GULP1: variants seen among roughly 807,000 people sequenced by gnomAD.
GULP1 encodes PTB domain-containing engulfment adapter protein 1.
In GULP1, 19 loss-of-function variants were observed where a neutral mutation model predicts 40.9. That is an observed-to-expected ratio of 0.46 (90% CI 0.32 to 0.68). GULP1 has a LOEUF of 0.68. Ranked by LOEUF, GULP1 falls within the 30% of genes least tolerant of loss-of-function variation. The pLI is 0.03. For synonymous variants in GULP1, 119 were observed against 117.6 expected, an observed-to-expected ratio of 1.01 and a Z score of -0.08; for missense variants, 312 against 362.2, an observed-to-expected ratio of 0.86 and a Z score of 1.12.
intron 1 of GULP1, among the ~76,000 whole-genome samples, chr2:188,371,228 A>G (rs2047561813): frequency 6.6e-6 from 1 of 152,094 alleles, no homozygotes; most frequent in Non-Finnish European, 1.5e-5. Context: ...CTTGGCAGGT[A>G]TTAATAGAAA....
chr2:188,463,065 T>G (rs2059838649), intron 2 of GULP1, among the ~76,000 whole-genome samples: 1 of 152,180 alleles, frequency 6.6e-6, no homozygotes, highest in South Asian at 2.1e-4. Flanking sequence ...GTGATTACAG[T>G]GTTGTAATAT....
At chr2:188,569,074 CCTA>C (rs1217022935) in intron 7 of GULP1, among the ~76,000 whole-genome samples, 162 bp from the exon 8 acceptor site, 1 of 152,020 alleles carries the variant, frequency 6.6e-6, no homozygotes, top group Non-Finnish European at 1.5e-5. Context: ...ATTACATTAG[CCTA>C]CTACCTTGCT....
chr2:188,501,090 A>G (rs1334858947), intron 4 of GULP1, among the ~76,000 whole-genome samples: 1 of 151,918 alleles, frequency 6.6e-6, no homozygotes, highest in African/African-American at 2.4e-5. Flanking sequence ...CATTTTATGG[A>G]TAGTAACATT....
At chr2:188,297,497 T>C (rs1484729122) in intron 1 of GULP1, 1 of 484,216 alleles carries the variant, frequency 2.1e-6, no homozygotes, top group East Asian at 6.1e-5. Flanking sequence ...TGAAACTTCA[T>C]CCACCAGTCC....
intron 4 of GULP1, among the ~76,000 whole-genome samples, chr2:188,503,643 A>G (rs1416411523): frequency 6.6e-6 from 1 of 151,912 alleles, no homozygotes. Context: ...CAATTCTTCC[A>G]ATGTGGCCCA....
Position 188,351,646 on chromosome 2 carries a change from A to T in GULP1, c.-171-32117A>T, listed in dbSNP as rs927796828. Among the ~76,000 whole-genome samples, 17 of 152,188 alleles carry T rather than the reference A, an allele frequency of 1.1e-4. 1 individual carries two copies. The highest frequency in any genetic ancestry group is 3.9e-4 in the East Asian group (2 of 5,194). On this transcript the variant is annotated intron_variant, in intron 1 of 11. Transcript: ENST00000409830. Reference sequence around the variant, plus strand: ...AAAAAGAGCTATATTTATATTAAAAATTTACATGAATGTATTCCAATCTAT... The same window carrying T: ...AAAAAGAGCTATATTTATATTAAAATTTTACATGAATGTATTCCAATCTAT...
chr2:188,571,931 C>G (rs1368978955), intron 9 of GULP1, among the ~76,000 whole-genome samples: 2 of 152,148 alleles, frequency 1.3e-5, no homozygotes, highest in Non-Finnish European at 2.9e-5. Flanking sequence ...GGATGCAAAT[C>G]CAAACCTGGT....
intron 2 of GULP1, among the ~76,000 whole-genome samples, chr2:188,399,814 C>T (rs1343896315): frequency 6.7e-6 from 1 of 150,228 alleles, no homozygotes; most frequent in Non-Finnish European, 1.5e-5. Context: ...CAATAGGTAT[C>T]TACTATCTTG....
At chr2:188,389,256 C>T (rs1209563519) in intron 2 of GULP1, among the ~76,000 whole-genome samples, 1 of 152,148 alleles carries the variant, frequency 6.6e-6, no homozygotes, top group African/African-American at 2.4e-5. Flanking sequence ...GCACTCATAA[C>T]ATTTTAAAAT....
chr2:188,322,719 A>G (rs1280827423), intron 1 of GULP1, among the ~76,000 whole-genome samples: 2 of 152,132 alleles, frequency 1.3e-5, no homozygotes, highest in Non-Finnish European at 2.9e-5. Context: ...GGTCACATTT[A>G]TTTGAAGTTG....
intron 1 of GULP1, among the ~76,000 whole-genome samples, chr2:188,334,617 C>T (rs2042030159): frequency 6.6e-6 from 1 of 152,130 alleles, no homozygotes; most frequent in Admixed American, 6.5e-5. Context: ...AATCATGGTC[C>T]CTCGCTCAGC....
chr2:188,450,875 GC>G (rs1251221112), intron 2 of GULP1, among the ~76,000 whole-genome samples: 2 of 152,120 alleles, frequency 1.3e-5, no homozygotes, highest in Non-Finnish European at 2.9e-5. Flanking sequence ...TGCAATTCGA[GC>G]ACCATCTGCT....
intron 2 of GULP1, among the ~76,000 whole-genome samples, chr2:188,415,878 C>G (rs4381754): frequency 0.2 from 30,779 of 152,010 alleles, 3,298 homozygotes; most frequent in African/African-American, 0.26. Flanking sequence ...AACATTAATT[C>G]CATTGTTTGC....
intron 6 of GULP1, among the ~76,000 whole-genome samples, chr2:188,535,222 T>C (rs1278962093): frequency 1.3e-5 from 2 of 152,136 alleles, no homozygotes; most frequent in East Asian, 1.9e-4. Context: ...AAGAGTTACA[T>C]GTGCAGATTT....
intron 1 of GULP1, among the ~76,000 whole-genome samples, chr2:188,312,245 G>T (rs1262066111): frequency 6.6e-6 from 1 of 151,792 alleles, no homozygotes; most frequent in Non-Finnish European, 1.5e-5. Context: ...TTGTTACACA[G>T]ATATATGTTT....
At chr2:188,375,132 C>A (rs1026056634) in intron 1 of GULP1, among the ~76,000 whole-genome samples, 2 of 152,102 alleles carry the variant, frequency 1.3e-5, no homozygotes, top group African/African-American at 4.8e-5. Context: ...TAACAGCAGA[C>A]AAATTTGTAT....
chr2:188,317,435 C>T (rs1044989795), intron 1 of GULP1, among the ~76,000 whole-genome samples: 1 of 152,098 alleles, frequency 6.6e-6, no homozygotes, highest in Non-Finnish European at 1.5e-5. Flanking sequence ...GCAGTGACAA[C>T]CAGAGAGAAA....
intron 7 of GULP1, among the ~76,000 whole-genome samples, chr2:188,545,101 A>G (rs986297600): frequency 2.0e-4 from 31 of 152,020 alleles, no homozygotes; most frequent in African/African-American, 7.2e-4. Flanking sequence ...AATGGAAAAA[A>G]CAAAAGCCTG....
At chr2:188,360,092 C>T (rs1023727783) in intron 1 of GULP1, among the ~76,000 whole-genome samples, 1 of 152,070 alleles carries the variant, frequency 6.6e-6, no homozygotes, top group Non-Finnish European at 1.5e-5. Flanking sequence ...TGCTCTGCTG[C>T]CTCTTGATCT....
Sources: gnomAD v4.1 joint callset for allele counts (sites outside exome capture counted in the v4.1 genomes callset) on GRCh38, gnomAD v4.1.1 for gene constraint, MANE v1.5 for transcripts, NCBI Gene and HGNC (gene_info 2026-07-23, HGNC 2026-07-21) for gene names.